Variants in UNC5D observed in about 807,000 individuals in gnomAD.
The protein encoded by UNC5D is netrin receptor UNC5D.
In UNC5D, 39 loss-of-function variants were observed where a neutral mutation model predicts 105.4. The observed-to-expected ratio is 0.37, with a 90% CI of 0.29 to 0.48. The LOEUF is 0.48. Among genes scored for constraint, UNC5D ranks in the 20% least tolerant of loss-of-function variants. The pLI is 0.98. For synonymous variants in UNC5D, 452 were observed against 450.4 expected (o/e 1.00, Z -0.04); for missense variants, 991 against 1,202.4 (o/e 0.82, Z 2.60).
chr8:35,589,366 G>A (rs1387672968), intron 3 of UNC5D, among the ~76,000 whole-genome samples: 1 of 149,974 alleles, frequency 6.7e-6, no homozygotes, highest in East Asian at 2.0e-4. Context: ...GATTATTTGA[G>A]CAATACCACT....
intron 4 of UNC5D, among the ~76,000 whole-genome samples, chr8:35,616,149 A>G (rs1821012193): frequency 6.6e-6 from 1 of 152,198 alleles, no homozygotes; most frequent in Non-Finnish European, 1.5e-5. Flanking sequence ...TAAATAACCA[A>G]ACTGAGCCTC....
chr8:35,679,444 A>G (rs1187852489), intron 4 of UNC5D, among the ~76,000 whole-genome samples: 2 of 152,144 alleles, frequency 1.3e-5, no homozygotes, highest in African/African-American at 2.4e-5. Flanking sequence ...GGGCAGAGGA[A>G]TCAGTAGGTA....
intron 4 of UNC5D, among the ~76,000 whole-genome samples, chr8:35,603,462 A>C (rs1205870975): frequency 2.0e-5 from 3 of 152,132 alleles, no homozygotes; most frequent in African/African-American, 7.2e-5. Flanking sequence ...TTTACTTCCA[A>C]CTATGTGGTC....
chr8:35,317,134 A>G (rs903865798), intron 1 of UNC5D, among the ~76,000 whole-genome samples: 3 of 152,202 alleles, frequency 2.0e-5, no homozygotes. Flanking sequence ...GCTAATTAGC[A>G]GTGGAGTTTA....
chr8:35,594,925 T>C (rs1021718782), intron 3 of UNC5D, among the ~76,000 whole-genome samples: 2 of 152,210 alleles, frequency 1.3e-5, no homozygotes, highest in African/African-American at 4.8e-5. Flanking sequence ...GAGCCTTCCA[T>C]GAAGGGCACT....
chr8:35,337,888 A>G (rs1811167759), intron 1 of UNC5D, among the ~76,000 whole-genome samples: 1 of 152,218 alleles, frequency 6.6e-6, no homozygotes, highest in Non-Finnish European at 1.5e-5. Context: ...TTGAGACATT[A>G]TTTCACTTCT....
intron 1 of UNC5D, among the ~76,000 whole-genome samples, chr8:35,540,797 A>G (rs1206603355): frequency 6.6e-6 from 1 of 152,210 alleles, no homozygotes; most frequent in Non-Finnish European, 1.5e-5. Context: ...CAAGTTAACA[A>G]TCAAAGAAAA....
At chr8:35,242,400 G>A (rs1407614644) in intron 1 of UNC5D, among the ~76,000 whole-genome samples, 1 of 152,156 alleles carries the variant, frequency 6.6e-6, no homozygotes, top group African/African-American at 2.4e-5. Context: ...ACTACTTCAA[G>A]GGACTCACCA....
At chr8:35,604,312 T>C (rs996431331) in intron 4 of UNC5D, among the ~76,000 whole-genome samples, 1 of 152,214 alleles carries the variant, frequency 6.6e-6, no homozygotes, top group African/African-American at 2.4e-5. Context: ...AAGCTTAGTT[T>C]GGCTGGATAT....
At chr8:35,770,574 A>T (rs1801966390) in intron 15 of UNC5D, among the ~76,000 whole-genome samples, 1 of 152,214 alleles carries the variant, frequency 6.6e-6, no homozygotes. Context: ...TTACCTAATG[A>T]TTACTGCCAA....
intron 1 of UNC5D, among the ~76,000 whole-genome samples, chr8:35,395,446 A>T (rs970929336): frequency 8.5e-5 from 13 of 152,350 alleles, no homozygotes; most frequent in African/African-American, 3.1e-4. Context: ...AAAAGAAAAC[A>T]GGAGATAGTG....
At chr8:35,663,357 A>G (rs1364919932) in intron 4 of UNC5D, among the ~76,000 whole-genome samples, 1 of 152,226 alleles carries the variant, frequency 6.6e-6, no homozygotes, top group African/African-American at 2.4e-5. Flanking sequence ...GTACTCTAGA[A>G]AAAGATTCGA....
intron 16 of UNC5D, among the ~76,000 whole-genome samples, chr8:35,787,134 G>C (rs781614862): frequency 1.3e-5 from 2 of 152,124 alleles, no homozygotes; most frequent in African/African-American, 4.8e-5. Context: ...TGACTATCTG[G>C]TCATTTACAG....
At chr8:35,740,251 C>T (rs1414657228) in intron 11 of UNC5D, among the ~76,000 whole-genome samples, 1 of 152,130 alleles carries the variant, frequency 6.6e-6, no homozygotes, top group Non-Finnish European at 1.5e-5. Flanking sequence ...TAATTAAGAT[C>T]AAAGGAGAAG....
chr8:35,425,078 T>A (rs1806155659), intron 1 of UNC5D, among the ~76,000 whole-genome samples: 2 of 152,142 alleles, frequency 1.3e-5, no homozygotes, highest in Admixed American at 6.5e-5. Context: ...GAGATATACC[T>A]AATGTTAAAT....
At chr8:35,739,570 A>G (rs1480277065) in intron 11 of UNC5D, among the ~76,000 whole-genome samples, 1 of 152,228 alleles carries the variant, frequency 6.6e-6, no homozygotes, top group Admixed American at 6.5e-5. Flanking sequence ...TAAAGATGCC[A>G]TTGACAAGAT....
intron 13 of UNC5D, among the ~76,000 whole-genome samples, chr8:35,752,131 G>T (rs569008933): frequency 6.6e-6 from 1 of 152,194 alleles, no homozygotes; most frequent in Non-Finnish European, 1.5e-5. Context: ...ATGGTTCAAG[G>T]TTCCTTTCCA....
intron 1 of UNC5D, among the ~76,000 whole-genome samples, chr8:35,372,279 A>G (rs1802465992): frequency 6.6e-6 from 1 of 151,960 alleles, no homozygotes; most frequent in South Asian, 2.1e-4. Context: ...ATGCACTACC[A>G]TACCTGGTTA....
chr8:35,498,084 C>CAAA (rs58175711), intron 1 of UNC5D, among the ~76,000 whole-genome samples: 17 of 58,188 alleles, frequency 2.9e-4, no homozygotes, highest in Non-Finnish European at 3.8e-4. Flanking sequence ...CAAAACAAAA[C>CAAA]AAAAAAAAAA....
Sources: gnomAD v4.1 joint callset for allele counts (sites outside exome capture counted in the v4.1 genomes callset) on GRCh38, gnomAD v4.1.1 for gene constraint, MANE v1.5 for transcripts, NCBI Gene and HGNC (gene_info 2026-07-23, HGNC 2026-07-21) for gene names.